The following UBP1 variants were observed in gnomAD, a reference collection of about 807,000 sequenced individuals.
The protein encoded by UBP1 is upstream-binding protein 1.
Under a neutral mutation model 76.1 loss-of-function variants are expected in UBP1, and 22 were observed. The observed-to-expected ratio is 0.29, with a 90% CI of 0.21 to 0.41. UBP1 has a LOEUF of 0.41. Ranked by LOEUF, UBP1 falls within the 10% of genes least tolerant of loss-of-function variation. The pLI is 1.00. For missense variants in UBP1, 436 were observed against 668.1 expected (o/e 0.65, Z 3.83); for synonymous variants, 224 against 237.1 (o/e 0.94, Z 0.51).
intron 4 of UBP1, 49 bp from the exon 5 acceptor site, chr3:33,411,736 A>C: frequency 6.8e-7 from 1 of 1,462,576 alleles, no homozygotes; most frequent in Non-Finnish European, 9.6e-7. Context: ...TAAATAACTT[A>C]AAAAACTTAC....
At chr3:33,391,008 A>G (rs1460016994) in intron 15 of UBP1, 2 of 152,572 alleles carry the variant, frequency 1.3e-5, no homozygotes, top group Non-Finnish European at 2.9e-5. Flanking sequence ...AAACTATGCA[A>G]TTATAGTATA....
In UBP1 at chr3:33,389,462, G is replaced by A. The variant is rs1244287246; in HGVS notation, c.*869C>T. On this transcript the variant is annotated 3_prime_UTR_variant, in exon 16 of 16. Coordinates refer to ENST00000283629, the MANE Select transcript of UBP1 (RefSeq NM_014517.5). The stretch of plus-strand genomic sequence containing the variant: ...GGTAGGGCTTTAAAAATGTTTAATA[G>A]GATGGTGGGGGTGGGGGGTTAGGGT... 3 of 147,640 alleles carry A rather than the reference G, an allele frequency of 2.0e-5. No individual in the cohort carries two copies. Among genetic ancestry groups the A allele is most frequent in the African/African-American group, 7.6e-5 (3 of 39,724 alleles). The allele number at this position is 147,640 out of a possible 1,614,324, so 9.1% of individuals were successfully genotyped here. A position where few individuals can be genotyped will look rare whatever the true frequency, so the allele number is the denominator to read the frequency against.
intron 8 of UBP1, among the ~76,000 whole-genome samples, chr3:33,405,220 CTA>C (rs1211183960): frequency 7.9e-5 from 12 of 151,854 alleles, no homozygotes; most frequent in East Asian, 7.7e-4. Flanking sequence ...AGGCATAAAA[CTA>C]TGTCATATTA....
chr3:33,424,881 T>C (rs1341308450), intron 2 of UBP1, among the ~76,000 whole-genome samples: 1 of 152,110 alleles, frequency 6.6e-6, no homozygotes, highest in African/African-American at 2.4e-5. Flanking sequence ...CCCTGTCTAC[T>C]AAAATTACAC....
intron 15 of UBP1, 142 bp from the exon 16 acceptor site, chr3:33,390,510 A>G (rs2043716440): frequency 1.2e-6 from 1 of 852,994 alleles, no homozygotes; most frequent in Non-Finnish European, 1.9e-6. Context: ...AAGCAGATTA[A>G]CTTGCTCTAG....
At position 33,388,768 on chromosome 3, in the gene UBP1, G is replaced by C. The variant is rs966659530; in HGVS notation, c.*1563C>G. On this transcript the variant is annotated 3_prime_UTR_variant, in exon 16 of 16. Coordinates refer to ENST00000283629, the MANE Select transcript of UBP1 (RefSeq NM_014517.5). ...TAGGAGTTACAGATATTTTCAAATC[G>C]ATGATGAAAATAGATCGTGCTTCTT... 2 of 152,136 alleles carry C rather than the reference G, an allele frequency of 1.3e-5. No individual in the cohort carries two copies. Among genetic ancestry groups the C allele is most frequent in the Non-Finnish European group, 2.9e-5 (2 of 68,028 alleles). The allele number at this position is 152,136 out of a possible 1,614,324, so 9.4% of individuals were successfully genotyped here.
chr3:33,430,104 A>C (rs891367035), intron 1 of UBP1, among the ~76,000 whole-genome samples: 3 of 152,232 alleles, frequency 2.0e-5, no homozygotes, highest in African/African-American at 7.2e-5. Context: ...GGGGGAAAAA[A>C]GTTGTCAGAG....
At chr3:33,413,792 A>G (rs1407292113) in intron 3 of UBP1, among the ~76,000 whole-genome samples, 1 of 152,136 alleles carries the variant, frequency 6.6e-6, no homozygotes, top group Non-Finnish European at 1.5e-5. Context: ...CCACACCTGC[A>G]GGGCCTGTCC....
chr3:33,421,913 A>G (rs6550221), intron 2 of UBP1, among the ~76,000 whole-genome samples: 64,777 of 151,916 alleles, frequency 0.43, 15,870 homozygotes, highest in African/African-American at 0.63. Flanking sequence ...ACATGGTGGC[A>G]TGTGCCCATA....
chr3:33,390,228 T>G lies in UBP1; in HGVS notation c.*103A>C. ...CATCTTGTGTTTTCAATATGAAACA[T>G]TTCATATGGTAAAATCCAATCCCAA... On this transcript the variant is annotated 3_prime_UTR_variant, in exon 16 of 16. Transcript: ENST00000283629. 1 of 1,197,496 alleles carries G rather than the reference T, an allele frequency of 8.4e-7. No individual in the cohort carries two copies. The highest frequency in any genetic ancestry group is 1.2e-6 in the Non-Finnish European group (1 of 829,312). 74.2% of individuals were successfully genotyped at this position (1,197,496 alleles called of 1,614,324 possible).
chr3:33,395,056 A>G (rs570050977), intron 13 of UBP1, among the ~76,000 whole-genome samples: 29 of 152,188 alleles, frequency 1.9e-4, no homozygotes, highest in African/African-American at 6.5e-4. Context: ...TTGAGAATAC[A>G]CCTTCCAAAA....
At chr3:33,426,667 A>G (rs1255754610) in intron 1 of UBP1, among the ~76,000 whole-genome samples, 1 of 152,176 alleles carries the variant, frequency 6.6e-6, no homozygotes, top group Non-Finnish European at 1.5e-5. Context: ...GGGACATTTA[A>G]ATGGAATCAT....
chr3:33,418,832 C>G (rs1369947438), intron 2 of UBP1, among the ~76,000 whole-genome samples: 1 of 145,386 alleles, frequency 6.9e-6, no homozygotes, highest in African/African-American at 2.6e-5. Flanking sequence ...GCACTACAGC[C>G]CAGGCAACAA....
At chr3:33,439,361 A>G (rs139204137) in intron 1 of UBP1, among the ~76,000 whole-genome samples, 4 of 152,366 alleles carry the variant, frequency 2.6e-5, no homozygotes, top group Non-Finnish European at 4.4e-5. Context: ...TATTCTCCCA[A>G]TATAAGTGCT....
chr3:33,418,765 A>G (rs973067327), intron 2 of UBP1, among the ~76,000 whole-genome samples: 3 of 151,288 alleles, frequency 2.0e-5, no homozygotes, highest in Non-Finnish European at 4.4e-5. Flanking sequence ...AAGCTGAGGC[A>G]GAAGAATCGC....
intron 1 of UBP1, among the ~76,000 whole-genome samples, chr3:33,430,925 C>T (rs534026919): frequency 1.2e-4 from 19 of 152,184 alleles, no homozygotes; most frequent in African/African-American, 4.6e-4. Flanking sequence ...TGACTGGACA[C>T]AGACCACCAG....
intron 5 of UBP1, among the ~76,000 whole-genome samples, chr3:33,410,848 G>A (rs1293352369): frequency 2.0e-5 from 3 of 152,080 alleles, no homozygotes; most frequent in Non-Finnish European, 4.4e-5. Context: ...AAGGCAGGTA[G>A]ATCACTTGAG....
At chr3:33,408,636 C>G in intron 8 of UBP1, 54 bp downstream of exon 8, 1 of 1,502,348 alleles carries the variant, frequency 6.7e-7, no homozygotes. Context: ...GGTCCTATAT[C>G]TAACACTGCA....
At chr3:33,439,656 C>T in intron 1 of UBP1, 80 bp downstream of exon 1, 6 of 1,480,596 alleles carry the variant, frequency 4.1e-6, no homozygotes, top group Non-Finnish European at 5.5e-6. Context: ...CTGGGAGCAG[C>T]CGCATCTGGC....
Sources: allele counts gnomAD v4.1 joint callset (sites outside exome capture counted in the v4.1 genomes callset), GRCh38; gene constraint gnomAD v4.1.1; transcripts MANE v1.5; gene names NCBI Gene and HGNC (gene_info 2026-07-23, HGNC 2026-07-21).